Variants in VWF observed in about 807,000 individuals in gnomAD.
VWF encodes the protein von Willebrand factor.
In VWF, 176 loss-of-function variants were observed where a neutral mutation model predicts 308.6. The observed-to-expected ratio is 0.57, with a 90% CI of 0.50 to 0.65. The LOEUF (loss-of-function observed/expected upper bound fraction) is 0.65, where lower values mean the gene tolerates loss of function less well. Ranked by LOEUF, VWF falls within the 30% of genes least tolerant of loss-of-function variation. The pLI, the probability that VWF is intolerant of heterozygous loss-of-function variation, is 0.00. For synonymous variants in VWF, 1,385 were observed against 1,443.4 expected, an observed-to-expected ratio of 0.96 and a Z score of 0.92; for missense variants, 3,146 against 3,648.2, an observed-to-expected ratio of 0.86 and a Z score of 3.55.
intron 8 of VWF, 143 bp downstream of exon 8, chr12:6,073,476 C>T (rs1944802904): frequency 1.7e-6 from 2 of 1,183,078 alleles, no homozygotes; most frequent in African/African-American, 3.0e-5. Flanking sequence ...CCTGATCACG[C>T]TGGACAAAGA....
At chr12:6,038,895 G>A (rs904849564) in intron 18 of VWF, among the ~76,000 whole-genome samples, 6 of 152,206 alleles carry the variant, frequency 3.9e-5, no homozygotes, top group African/African-American at 7.2e-5. Flanking sequence ...GGAGAGAAGA[G>A]CAGGTAACAA....
intron 40 of VWF, among the ~76,000 whole-genome samples, chr12:5,983,818 T>TAGATAGATAGATAGATAGATA (rs57391778): frequency 2.2e-5 from 3 of 138,406 alleles, no homozygotes; most frequent in Admixed American, 7.2e-5. Context: ...GATAGATAGA[T>TAGATAGATAGATAGATAGATA]GATAGAGGAT....
intron 27 of VWF, 28 bp downstream of exon 27, chr12:6,021,872 C>T (rs1462205691): frequency 6.2e-7 from 1 of 1,614,056 alleles, no homozygotes; most frequent in African/African-American, 1.3e-5. Flanking sequence ...AGATTCATCA[C>T]TTCAAACAAC....
At chr12:6,044,154 C>G (rs1462463859) in intron 18 of VWF, 137 bp downstream of exon 18, 66 of 1,151,572 alleles carry the variant, frequency 5.7e-5, no homozygotes, top group Non-Finnish European at 7.5e-5. Flanking sequence ...CTCCATGCCC[C>G]CATTACCAGC....
intron 42 of VWF, among the ~76,000 whole-genome samples, chr12:5,979,994 C>A (rs1265347754): frequency 1.4e-5 from 2 of 144,030 alleles, no homozygotes; most frequent in African/African-American, 5.2e-5. Context: ...TGAGCCGAGA[C>A]TGCGCCACTG....
rs1165176318 is a variant in VWF, at chr12:6,063,171, T to C, written c.1433-117A>G. The C allele has an allele frequency of 2.7e-5, 23 of 855,824 alleles. No homozygotes were observed. The highest frequency in any genetic ancestry group is 4.2e-5 in the Non-Finnish European group (22 of 525,218). The allele number at this position is 855,824 out of a possible 1,614,324, so 53.0% of individuals were successfully genotyped here. On this transcript the variant is annotated intron_variant, in intron 12 of 51. Coordinates refer to ENST00000261405, the MANE Select transcript of VWF (RefSeq NM_000552.5). This position sits in a 1 kb window ranked among gnomAD's most constrained non-coding sequence, Gnocchi z 4.9. ...AAAGGATGGTAGCACTGAAGAGCAA[T>C]GACTTAGGGGCAGATGGGGTGGCCA...
intron 34 of VWF, among the ~76,000 whole-genome samples, chr12:6,003,707 G>C (rs1428363482): frequency 6.6e-6 from 1 of 152,084 alleles, no homozygotes; most frequent in African/African-American, 2.4e-5. Context: ...GGGGAAATGG[G>C]GTATCATTGT....
At chr12:6,087,342 A>C (rs1944983397) in intron 6 of VWF, among the ~76,000 whole-genome samples, 1 of 151,120 alleles carries the variant, frequency 6.6e-6, no homozygotes, top group African/African-American at 2.4e-5. Context: ...AGGGTGTCTC[A>C]AAGACTTAAC....
intron 18 of VWF, among the ~76,000 whole-genome samples, chr12:6,039,179 T>A (rs1232492623): frequency 6.6e-6 from 1 of 152,158 alleles, no homozygotes; most frequent in East Asian, 1.9e-4. Context: ...TAAGATAAAG[T>A]CTATGAATGT....
chr12:5,952,314 C>T, intron 49 of VWF, 77 bp downstream of exon 49: 1 of 1,594,538 alleles, frequency 6.3e-7, no homozygotes, highest in African/African-American at 1.3e-5. Flanking sequence ...TATGCCGGAG[C>T]TGGGATGCAC....
intron 4 of VWF, 63 bp from the exon 5 acceptor site, chr12:6,110,645 CCTT>C: frequency 6.5e-7 from 1 of 1,545,192 alleles, no homozygotes; most frequent in Non-Finnish European, 8.9e-7. Context: ...GTCTCTCCCA[CCTT>C]CTAACCCCAA....
chr12:6,115,175 T>C (rs1330580488), intron 3 of VWF, among the ~76,000 whole-genome samples: 1 of 152,202 alleles, frequency 6.6e-6, no homozygotes, highest in Non-Finnish European at 1.5e-5. Context: ...TAGCTGGAAC[T>C]ACAGGTGTGT....
chr12:6,028,405 G>C (rs994235144), intron 22 of VWF, among the ~76,000 whole-genome samples: 16 of 152,110 alleles, frequency 1.1e-4, no homozygotes, highest in African/African-American at 3.4e-4. Flanking sequence ...AAGAAATACA[G>C]AGAACACCAC....
chr12:5,950,686 G>A (rs1207485255), intron 50 of VWF, among the ~76,000 whole-genome samples: 2 of 151,902 alleles, frequency 1.3e-5, no homozygotes, highest in Non-Finnish European at 2.9e-5. Flanking sequence ...ATTTAGACCA[G>A]CATACTATAC....
At chr12:6,061,539 A>G (rs1481626301) in intron 13 of VWF, among the ~76,000 whole-genome samples, 1 of 151,660 alleles carries the variant, frequency 6.6e-6, no homozygotes, top group Non-Finnish European at 1.5e-5. Context: ...GAAAGAACAT[A>G]GCCACACGAG....
chr12:5,981,452 A>G (rs1303935467), intron 42 of VWF, among the ~76,000 whole-genome samples: 1 of 152,232 alleles, frequency 6.6e-6, no homozygotes, highest in Non-Finnish European at 1.5e-5. Flanking sequence ...TTATAAAGGT[A>G]AAGACCATGT....
intron 40 of VWF, among the ~76,000 whole-genome samples, chr12:5,983,794 G>GAGATAGATAGATAGATAGATAGATAGAT (rs11268064): frequency 0.018 from 2,683 of 148,728 alleles, 45 homozygotes; most frequent in East Asian, 0.037. Context: ...AGATACAATA[G>GAGATAGATAGATAGATAGATAGATAGAT]AGATAGATAG....
intron 10 of VWF, among the ~76,000 whole-genome samples, chr12:6,067,194 G>A (rs1004184057): frequency 2.6e-5 from 4 of 152,220 alleles, no homozygotes; most frequent in Admixed American, 2.0e-4. Flanking sequence ...CAAGTCCAGT[G>A]AGGTCTCAGG....
chr12:6,098,002 T>C (rs922173781), intron 5 of VWF, among the ~76,000 whole-genome samples: 6 of 152,236 alleles, frequency 3.9e-5, no homozygotes, highest in African/African-American at 1.4e-4. Flanking sequence ...TTAGACTAGA[T>C]GACTTCTAGG....
Sources: gnomAD v4.1 joint callset for allele counts (sites outside exome capture counted in the v4.1 genomes callset) on GRCh38, gnomAD v4.1.1 for gene constraint, Gnocchi (gnomAD v3.1) non-coding constraint, MANE v1.5 for transcripts, NCBI Gene and HGNC (gene_info 2026-07-23, HGNC 2026-07-21) for gene names.